The following NXN variants were observed in gnomAD, a reference collection of about 807,000 sequenced individuals.
The protein encoded by NXN is nucleoredoxin 1.
In NXN, 16 loss-of-function variants were observed where a neutral mutation model predicts 48.6. The observed-to-expected ratio is 0.33, with a 90% CI of 0.22 to 0.50. The LOEUF is 0.50. Ranked by LOEUF, NXN falls within the 20% of genes least tolerant of loss-of-function variation. NXN has a pLI of 0.98. For missense variants in NXN, 492 were observed against 605.5 expected, an observed-to-expected ratio of 0.81 and a Z score of 1.97; for synonymous variants, 281 against 269.6, an observed-to-expected ratio of 1.04 and a Z score of -0.41.
At chr17:883,660 G>A (rs1438674720) in intron 1 of NXN, among the ~76,000 whole-genome samples, 1 of 152,252 alleles carries the variant, frequency 6.6e-6, no homozygotes, top group Admixed American at 6.5e-5. Context: ...AAGGCTCACA[G>A]GGCAAGGACT....
At chr17:972,707 C>T (rs2069400702) in intron 1 of NXN, among the ~76,000 whole-genome samples, 2 of 152,132 alleles carry the variant, frequency 1.3e-5, no homozygotes, top group Admixed American at 6.5e-5. Context: ...CATTACAACA[C>T]CTTCCCAACA....
chr17:943,570 C>T (rs1347324916), intron 1 of NXN, among the ~76,000 whole-genome samples: 1 of 152,166 alleles, frequency 6.6e-6, no homozygotes, highest in Non-Finnish European at 1.5e-5. Context: ...GCCTGTAATC[C>T]CAGCAGTTTG....
Position 958,940 on chromosome 17 carries a change from AACACACACACACACAT to A in NXN, c.360+20363_360+20378del, listed in dbSNP as rs994837625. ...GCCTGAGACTTGTCTTTAAAAAAGA[AACACACACACACACAT>A]ACACACACACACACACGATACGAGT... On this transcript the variant is annotated intron_variant, in intron 1 of 7. Coordinates refer to ENST00000336868, the MANE Select transcript of NXN (RefSeq NM_022463.5). The surrounding 1 kb of genome is among the most constrained non-coding windows in gnomAD (Gnocchi z 6.9). 2.8e-4 allele frequency: 45 copies of A among 160,024 alleles called. No homozygotes were observed. The Middle Eastern group carries it at 9.1e-3, about 33-fold the overall frequency. 9.9% of individuals were successfully genotyped at this position (160,024 alleles called of 1,614,324 possible). A position where few individuals can be genotyped will look rare whatever the true frequency, so the allele number is the denominator to read the frequency against.
At chr17:922,478 TA>T (rs2068758812) in intron 1 of NXN, among the ~76,000 whole-genome samples, 2 of 151,944 alleles carry the variant, frequency 1.3e-5, no homozygotes, top group East Asian at 1.9e-4. Context: ...TGAGAACCAT[TA>T]GTTGGAAATA....
At chr17:870,890 A>G (rs183143398) in intron 1 of NXN, among the ~76,000 whole-genome samples, 20 of 151,680 alleles carry the variant, frequency 1.3e-4, no homozygotes, top group South Asian at 2.1e-4. Context: ...ACAGAGTCTC[A>G]CTCTGTCGCC....
chr17:801,184 GA>G, intron 7 of NXN, 53 bp from the exon 8 acceptor site: 1 of 1,407,204 alleles, frequency 7.1e-7, no homozygotes, highest in Non-Finnish European at 9.4e-7. Context: ...AAAGGAGGGG[GA>G]GAGTCCCCTG....
chr17:946,763 G>A (rs1814523388), intron 1 of NXN, among the ~76,000 whole-genome samples: 1 of 152,214 alleles, frequency 6.6e-6, no homozygotes, highest in African/African-American at 2.4e-5. Flanking sequence ...TCTCCGCATC[G>A]CTGGGCCTCA....
chr17:979,276 G>A, intron 1 of NXN, 43 bp downstream of exon 1: 1 of 1,372,208 alleles, frequency 7.3e-7, no homozygotes, highest in Non-Finnish European at 9.5e-7. Flanking sequence ...GGGGTAACGG[G>A]CGTGGGGGGC....
intron 1 of NXN, among the ~76,000 whole-genome samples, chr17:871,015 C>T (rs1050936871): frequency 7.6e-4 from 116 of 151,896 alleles, no homozygotes; most frequent in Admixed American, 1.2e-3. Context: ...CCCGCCATCA[C>T]GCCCAGCTAA....
chr17:965,672 C>T (rs1320343282), intron 1 of NXN, among the ~76,000 whole-genome samples: 1 of 152,140 alleles, frequency 6.6e-6, no homozygotes, highest in Non-Finnish European at 1.5e-5. Flanking sequence ...TCCCCAGACT[C>T]AGGCTAATCA....
chr17:863,846 G>T, intron 1 of NXN: 2 of 900,438 alleles, frequency 2.2e-6, no homozygotes, highest in Non-Finnish European at 3.4e-6. Context: ...GTCATTCAAG[G>T]ATCAACTGTC....
intron 1 of NXN, among the ~76,000 whole-genome samples, chr17:974,083 C>T (rs543090405): frequency 6.6e-6 from 1 of 151,914 alleles, no homozygotes; most frequent in South Asian, 2.1e-4. Context: ...GGCGCGGTGG[C>T]TCATGCCTGT....
At chr17:812,745 AGTGAGAGT>A (rs935501096) in intron 5 of NXN, among the ~76,000 whole-genome samples, 4 of 106,830 alleles carry the variant, frequency 3.7e-5, no homozygotes, top group African/African-American at 1.4e-4. Context: ...AGGGTGCGTG[AGTGAGAGT>A]GTGCATATGT....
At chr17:897,966 C>A (rs2644708) in intron 1 of NXN, among the ~76,000 whole-genome samples, 67,907 of 152,100 alleles carry the variant, frequency 0.45, 15,607 homozygotes, top group East Asian at 0.73. Flanking sequence ...CAGGTGTGAA[C>A]CCCTGCTGCT....
At chr17:969,567 G>T (rs77203487) in intron 1 of NXN, among the ~76,000 whole-genome samples, 1,530 of 152,234 alleles carry the variant, frequency 0.01, 13 homozygotes, top group East Asian at 0.03. Flanking sequence ...TTTCCCTATT[G>T]CACGTGGTCC....
At chr17:813,045 G>A (rs576377058) in intron 5 of NXN, among the ~76,000 whole-genome samples, 17 of 152,054 alleles carry the variant, frequency 1.1e-4, no homozygotes, top group African/African-American at 3.9e-4. Context: ...ATGTGTGAGC[G>A]TGTGTGTGCG....
chr17:918,937 C>T lies in NXN; in HGVS notation c.360+60382G>A, dbSNP rs532333019. Among the ~76,000 whole-genome samples, 34 of 152,032 alleles carry T rather than the reference C, an allele frequency of 2.2e-4. No individual in the cohort carries two copies. The South Asian group carries it at 6.0e-3, about 27-fold the overall frequency. On this transcript the variant is annotated intron_variant, in intron 1 of 7. Coordinates refer to ENST00000336868, the MANE Select transcript of NXN (RefSeq NM_022463.5). Reference sequence around the variant, plus strand: ...CTCTGCAGCCAGGCAAGGTGGCGTGCGCCTGTAGTCCCAGCTACTCGGGAG... The same window carrying T: ...CTCTGCAGCCAGGCAAGGTGGCGTGTGCCTGTAGTCCCAGCTACTCGGGAG...
At chr17:897,104 C>A (rs888054759) in intron 1 of NXN, 1 of 1,011,320 alleles carries the variant, frequency 9.9e-7, no homozygotes, top group African/African-American at 1.8e-5. Context: ...CCACCGCGCC[C>A]AAGAAAATTA....
intron 1 of NXN, among the ~76,000 whole-genome samples, chr17:826,805 C>T (rs1386443435): frequency 3.9e-5 from 6 of 152,194 alleles, no homozygotes; most frequent in East Asian, 1.9e-4. Flanking sequence ...CTCGGTGCCG[C>T]GTAAAACACG....
Sources: gnomAD v4.1 joint callset for allele counts (sites outside exome capture counted in the v4.1 genomes callset) on GRCh38, gnomAD v4.1.1 for gene constraint, Gnocchi (gnomAD v3.1) non-coding constraint, MANE v1.5 for transcripts, NCBI Gene and HGNC (gene_info 2026-07-23, HGNC 2026-07-21) for gene names.